The following CENPE variants were observed in gnomAD, a reference collection of about 807,000 sequenced individuals.
CENPE encodes the protein centromere protein E, also known as centromere-associated protein E.
CENPE carries 145 observed loss-of-function variants against 336.1 expected under a neutral mutation model. That is an observed-to-expected ratio of 0.43 (90% CI 0.38 to 0.50). The LOEUF (loss-of-function observed/expected upper bound fraction) is 0.50, where lower values mean the gene tolerates loss of function less well. Among genes scored for constraint, CENPE ranks in the 20% least tolerant of loss-of-function variants. CENPE has a pLI of 0.00. For synonymous variants in CENPE, 1,013 were observed against 984.8 expected, an observed-to-expected ratio of 1.03 and a Z score of -0.54; for missense variants, 2,719 against 3,023.3, an observed-to-expected ratio of 0.90 and a Z score of 2.36.
Position 103,155,462 on chromosome 4 carries a change from C to T in CENPE, c.3034-2212G>A, listed in dbSNP as rs530468691. Among the ~76,000 whole-genome samples, 3 of 152,202 alleles carry T rather than the reference C, an allele frequency of 2.0e-5. No individual in the cohort carries two copies. In the East Asian group the frequency reaches 5.8e-4, roughly 29 times the overall value. On this transcript the variant is annotated intron_variant, in intron 24 of 48. Transcript: ENST00000265148. ...AGTGGCTGAGACTACAGGTGCATTG[C>T]TACCATGCCTGGCTAATTTTTGTAT...
In CENPE at chr4:103,159,186, G is replaced by A. The variant is rs1381108094; in HGVS notation, c.2425C>T (p.Gln809Ter). ...GKTKDDLATT[Q>*]SNYKSTDQEF... The stretch of plus-strand genomic sequence containing the variant: ...TGATCAGTGCTTTTATAATTCGACT[G>A]TGTAGTTGCTAGGTCATCTTTTGTT... The change falls in exon 22 of 49, where the codon CAG becomes TAG. Residue 809 changes from glutamine to a stop codon, truncating the protein, a stop_gained. Coordinates refer to ENST00000265148, the MANE Select transcript of CENPE (RefSeq NM_001813.3). LOFTEE classifies it high-confidence loss of function. 6.2e-7 allele frequency: 1 copy of A among 1,612,770 alleles called. No individual in the cohort carries two copies. The highest frequency in any genetic ancestry group is 1.3e-5 in the African/African-American group (1 of 74,864).
intron 42 of CENPE, among the ~76,000 whole-genome samples, chr4:103,127,345 G>A (rs1476169967): frequency 6.6e-6 from 1 of 152,028 alleles, no homozygotes; most frequent in Non-Finnish European, 1.5e-5. Context: ...TCTATTCCAT[G>A]TAAAATTATT....
At chr4:103,113,729 TTATAA>T (rs556935293) in intron 46 of CENPE, among the ~76,000 whole-genome samples, 1 of 147,868 alleles carries the variant, frequency 6.8e-6, no homozygotes, top group Admixed American at 6.8e-5. Flanking sequence ...GTATATATAC[TTATAA>T]TAAGTATATA....
intron 1 of CENPE, among the ~76,000 whole-genome samples, chr4:103,197,371 C>G (rs1190427008): frequency 2.0e-5 from 3 of 152,204 alleles, no homozygotes; most frequent in Admixed American, 2.0e-4. Context: ...TTTTCTGACA[C>G]CAGTTCACCC....
intron 46 of CENPE, among the ~76,000 whole-genome samples, chr4:103,112,710 TTATAAGTA>T (rs1218450971): frequency 2.3e-5 from 3 of 127,862 alleles, no homozygotes; most frequent in Non-Finnish European, 4.7e-5. Context: ...ATATATATAC[TTATAAGTA>T]TATAAGTGTA....
At chr4:103,137,121 C>A (rs918379953) in intron 39 of CENPE, among the ~76,000 whole-genome samples, 4 of 152,082 alleles carry the variant, frequency 2.6e-5, no homozygotes, top group African/African-American at 7.2e-5. Flanking sequence ...ACAAGTCTGA[C>A]TTAGTTTAAA....
chr4:103,177,139 C>A (rs1311163191), intron 13 of CENPE, 93 bp from the exon 14 acceptor site: 2 of 1,036,176 alleles, frequency 1.9e-6, no homozygotes, highest in East Asian at 2.6e-5. Flanking sequence ...AAACCATTGA[C>A]TTGGTAGAAT....
chr4:103,109,130 T>C, intron 47 of CENPE, 41 bp from the exon 48 acceptor site: 3 of 1,502,584 alleles, frequency 2.0e-6, no homozygotes, highest in Non-Finnish European at 2.7e-6. Flanking sequence ...TAAGACTTCT[T>C]GATTCTTAAG....
In CENPE at chr4:103,174,778, A is replaced by G. The variant is rs765831415; in HGVS notation, c.1605T>C (p.Asp535=). ...TTTTTCTTTCTAGAGCCTCAAATTCATCCAAATCATTCTTTTCTTTTAATT... is the reference window on the plus strand; with the variant it reads ...TTTTTCTTTCTAGAGCCTCAAATTCGTCCAAATCATTCTTTTCTTTTAATT... The part of the protein sequence containing the change: ...ELKLKEKNDL[D]EFEALERKTK... Residue 535 remains aspartate, a synonymous_variant, in exon 16 of 49, where the codon GAT becomes GAC. Coordinates refer to ENST00000265148, the MANE Select transcript of CENPE (RefSeq NM_001813.3). 5.8e-6 allele frequency: 9 copies of G among 1,555,088 alleles called. No individual in the cohort carries two copies. In the African/African-American group the frequency reaches 1.3e-4, roughly 22 times the overall value.
chr4:103,143,278 T>C lies in CENPE; in HGVS notation c.5274A>G (p.Leu1758=). 1 of 1,606,462 alleles carries C rather than the reference T, an allele frequency of 6.2e-7. No individual in the cohort carries two copies. Among genetic ancestry groups the C allele is most frequent in the Non-Finnish European group, 8.5e-7 (1 of 1,175,746 alleles). ...CTTTTAAGGCATCATTTGAGTGTTC[T>C]AAGTCCTTTTGCATATTTGATATTT... ...TNEISNMQKD[L]EHSNDALKAQ... is the part of the protein sequence containing the mutation. Residue 1758 remains leucine, a synonymous_variant, in exon 34 of 49, where the codon TTA becomes TTG. Coordinates refer to ENST00000265148, the MANE Select transcript of CENPE (RefSeq NM_001813.3).
intron 24 of CENPE, among the ~76,000 whole-genome samples, chr4:103,155,649 G>A (rs972125262): frequency 2.0e-5 from 3 of 152,106 alleles, no homozygotes; most frequent in African/African-American, 7.2e-5. Context: ...TTTGGCCTAT[G>A]GTTATTCCAA....
chr4:103,183,375 T>C (rs1470397841), intron 9 of CENPE, 87 bp from the exon 10 acceptor site: 1 of 1,024,026 alleles, frequency 9.8e-7, no homozygotes, highest in African/African-American at 1.6e-5. Flanking sequence ...TGAGAGAAAT[T>C]AGAGGGCAGA....
rs545881177 is a variant in CENPE at position 103,196,453 on chromosome 4, C to T, written c.149-201G>A. 1.5e-4 allele frequency among the ~76,000 whole-genome samples: 23 copies of T among 152,118 alleles called. 1 individual carries two copies. In the East Asian group the frequency reaches 4.4e-3, roughly 29 times the overall value. ...AAGGTAAAATGAGTTCATTTTCACA[C>T]ACAAAAAATACACTACAAGTCAACT... On this transcript the variant is annotated intron_variant, in intron 2 of 48. Coordinates refer to ENST00000265148, the MANE Select transcript of CENPE (RefSeq NM_001813.3).
At chr4:103,175,158 T>C (rs1247630262) in intron 15 of CENPE, among the ~76,000 whole-genome samples, 1 of 151,988 alleles carries the variant, frequency 6.6e-6, no homozygotes. Flanking sequence ...TCCTCAGTAA[T>C]AAAACTGATA....
intron 29 of CENPE, 88 bp from the exon 30 acceptor site, chr4:103,146,195 A>G (rs1280201944): frequency 1.6e-6 from 2 of 1,243,622 alleles, no homozygotes; most frequent in Non-Finnish European, 2.2e-6. Context: ...TAAAACAATT[A>G]AGGCAGGATT....
intron 8 of CENPE, among the ~76,000 whole-genome samples, chr4:103,188,772 C>T (rs548566286): frequency 4.3e-4 from 65 of 152,030 alleles, no homozygotes; most frequent in Admixed American, 2.3e-3. Flanking sequence ...AGCTAGCAGA[C>T]GGCAAGCAAT....
At chr4:103,121,167 C>T (rs982331586) in intron 43 of CENPE, among the ~76,000 whole-genome samples, 1 of 152,138 alleles carries the variant, frequency 6.6e-6, no homozygotes, top group Admixed American at 6.5e-5. Context: ...TCAGGTGTAT[C>T]CTTCCAGAAA....
At chr4:103,165,756 A>G (rs1185965591) in intron 16 of CENPE, among the ~76,000 whole-genome samples, 5 of 152,006 alleles carry the variant, frequency 3.3e-5, no homozygotes, top group African/African-American at 9.7e-5. Flanking sequence ...GGCCGAGGCG[A>G]GCAGATCACT....
intron 28 of CENPE, 111 bp downstream of exon 28, chr4:103,148,729 ATACT>A: frequency 2.1e-6 from 2 of 960,462 alleles, no homozygotes; most frequent in South Asian, 1.6e-5. Flanking sequence ...CACTCGACAA[ATACT>A]TACCCAGTCA....
Sources: allele counts gnomAD v4.1 joint callset (sites outside exome capture counted in the v4.1 genomes callset), GRCh38; gene constraint gnomAD v4.1.1; transcripts MANE v1.5; gene names NCBI Gene and HGNC (gene_info 2026-07-23, HGNC 2026-07-21).